The following SLC5A5 variants were observed in gnomAD, a reference collection of about 807,000 sequenced individuals.
SLC5A5 encodes the protein solute carrier family 5 member 5, also known as sodium/iodide cotransporter.
SLC5A5 carries 56 observed loss-of-function variants against 68.6 expected under a neutral mutation model. That is an observed-to-expected ratio of 0.82 (90% CI 0.66 to 1.02). The LOEUF is 1.02. SLC5A5 is among the 50% of genes least tolerant of loss of function. The probability of loss-of-function intolerance (pLI) is 0.00; values close to 1 mark genes in which losing one functional copy is unlikely to be tolerated. For synonymous variants in SLC5A5, 398 were observed against 373.0 expected (o/e 1.07, Z -0.77); for missense variants, 807 against 859.8 (o/e 0.94, Z 0.77).
chr19:17,892,223 G>C (rs550569971), intron 14 of SLC5A5, among the ~76,000 whole-genome samples: 1 of 152,124 alleles, frequency 6.6e-6, no homozygotes, highest in African/African-American at 2.4e-5. Flanking sequence ...AATTGAACCC[G>C]GGAGGTAGAG....
chr19:17,880,889 A>G lies in SLC5A5; in HGVS notation c.994A>G (p.Ile332Val). Reference protein sequence around the residue: ...DQYMPLLVLDIFEDLPGVPGL... With the variant: ...DQYMPLLVLDVFEDLPGVPGL... The stretch of plus-strand genomic sequence containing the variant: ...GTACATGCCTCTGCTGGTGCTGGAC[A>G]TCTTCGAAGATCTGCCTGGAGTCCC... The change falls in exon 8 of 15, where the codon ATC becomes GTC. Residue 332 changes from isoleucine to valine, a missense_variant. Coordinates refer to ENST00000222248, the MANE Select transcript of SLC5A5 (RefSeq NM_000453.3). The G allele has an allele frequency of 1.2e-6, 2 of 1,613,896 alleles. No homozygotes were observed. The highest frequency in any genetic ancestry group is 1.7e-6 in the Non-Finnish European group (2 of 1,179,988).
At chr19:17,891,046 C>T in intron 14 of SLC5A5, 45 bp downstream of exon 14, 18 of 1,227,370 alleles carry the variant, frequency 1.5e-5, no homozygotes, top group Non-Finnish European at 2.2e-5. Flanking sequence ...AGCCAAGTGA[C>T]TTTAGGACGT....
chr19:17,889,783 T>TG (rs2030093613), intron 13 of SLC5A5, among the ~76,000 whole-genome samples: 2 of 152,210 alleles, frequency 1.3e-5, no homozygotes, highest in Non-Finnish European at 2.9e-5. Context: ...GGATATGGGT[T>TG]GGGGCGGGCG....
rs1599939347 is a variant in SLC5A5, at chr19:17,893,940, C to G, written c.*63C>G. ...AACCTCAGGATGGGCCAAACCCAGA[C>G]AACGGGCCCATGGCCTTGGGCTCTG... On this transcript the variant is annotated 3_prime_UTR_variant, in exon 15 of 15. Transcript: ENST00000222248. The G allele has an allele frequency of 1.4e-6, 2 of 1,467,996 alleles. No individual in the cohort carries two copies. The highest frequency in any genetic ancestry group is 4.9e-5 in the East Asian group (2 of 40,522). The allele number at this position is 1,467,996 out of a possible 1,614,324, so 90.9% of individuals were successfully genotyped here. A position where few individuals can be genotyped will look rare whatever the true frequency, so the allele number is the denominator to read the frequency against.
At chr19:17,875,158 T>C (rs149119945) in intron 4 of SLC5A5, among the ~76,000 whole-genome samples, 27,053 of 151,530 alleles carry the variant, frequency 0.18, 3,110 homozygotes, top group Non-Finnish European at 0.25. Flanking sequence ...TCACCTAAGG[T>C]CAGGAGTTCG....
chr19:17,879,636 G>A (rs1416461424), intron 7 of SLC5A5, among the ~76,000 whole-genome samples: 1 of 152,194 alleles, frequency 6.6e-6, no homozygotes, highest in African/African-American at 2.4e-5. Context: ...GGGGTTCAGA[G>A]TTAGCAGAGG....
In SLC5A5 at chr19:17,872,246, T is replaced by A; in HGVS notation, c.-74T>A. On this transcript the variant is annotated 5_prime_UTR_variant, in exon 1 of 15. Transcript: ENST00000222248. ...CACCCGCCCTCCCCGTCCTGCCTCC[T>A]CGGCCCCTGCCAGCTTCCCCCGCTT... The A allele has an allele frequency of 2.4e-5, 11 of 451,824 alleles. No individual in the cohort carries two copies. Among genetic ancestry groups the A allele is most frequent in the East Asian group, 7.9e-5 (1 of 12,604 alleles). The allele number at this position is 451,824 out of a possible 1,614,324, so 28.0% of individuals were successfully genotyped here. A position where few individuals can be genotyped will look rare whatever the true frequency, so the allele number is the denominator to read the frequency against.
intron 5 of SLC5A5, among the ~76,000 whole-genome samples, chr19:17,876,677 C>T (rs774326963): frequency 1.5e-4 from 23 of 152,250 alleles, no homozygotes; most frequent in African/African-American, 5.5e-4. Context: ...TCCTGGCCAA[C>T]TTGATGAAAG....
In SLC5A5 at chr19:17,872,328, C is replaced by G. The variant is rs1207172434; in HGVS notation, c.9C>G (p.Ala3=). ...CCTCCGCACCCGCCCTCATGGAGGC[C>G]GTGGAGACCGGGGAACGGCCCACCT... The part of the protein sequence containing the change: ME[A]VETGERPTFG... The change falls in exon 1 of 15, where the codon GCC becomes GCG. Residue 3 remains alanine (A), a synonymous_variant. Transcript: ENST00000222248. 1.3e-6 allele frequency: 2 copies of G among 1,579,858 alleles called. No individual in the cohort carries two copies. Among genetic ancestry groups the G allele is most frequent in the Non-Finnish European group, 1.7e-6 (2 of 1,164,430 alleles).
At position 17,877,875 on chromosome 19, in the gene SLC5A5, G is replaced by C. The variant is rs773070939; in HGVS notation, c.839+12G>C. On this transcript the variant is annotated intron_variant, in intron 6 of 14. Transcript: ENST00000222248. ...AAGCAGGCCAAGCTGTGAGTGTTTC[G>C]GGGAGCAAGGTCGGGGTTTCTGGGA... 3.7e-6 allele frequency: 6 copies of C among 1,613,974 alleles called. No homozygotes were observed. The highest frequency in any genetic ancestry group is 1.1e-5 in the South Asian group (1 of 91,088).
chr19:17,877,935 C>A lies in SLC5A5; in HGVS notation c.840-29C>A, dbSNP rs370005454. Reference sequence around the variant, plus strand: ...CCCCTCCACCAGCCTGAGGCTATCCCCTAAGCCTGAGGCTGCCTCTTCCCC... The same window carrying A: ...CCCCTCCACCAGCCTGAGGCTATCCACTAAGCCTGAGGCTGCCTCTTCCCC... On this transcript the variant is annotated intron_variant, in intron 6 of 14. Coordinates refer to ENST00000222248, the MANE Select transcript of SLC5A5 (RefSeq NM_000453.3). The A allele has an allele frequency of 2.4e-4, 395 of 1,613,788 alleles. 1 individual carries two copies. The highest frequency in any genetic ancestry group is 3.2e-4 in the Non-Finnish European group (378 of 1,180,020).
At chr19:17,873,058 C>G (rs1355923703) in intron 1 of SLC5A5, among the ~76,000 whole-genome samples, 1 of 152,224 alleles carries the variant, frequency 6.6e-6, no homozygotes, top group Non-Finnish European at 1.5e-5. Flanking sequence ...CCTGGCTTCA[C>G]TGCTTTCTTG....
At chr19:17,874,369 T>C (rs2094301659) in intron 2 of SLC5A5, 125 bp from the exon 3 acceptor site, 6 of 812,312 alleles carry the variant, frequency 7.4e-6, no homozygotes, top group South Asian at 5.2e-5. Context: ...TGACCCCGCC[T>C]GCACTCTGGA....
Position 17,883,957 on chromosome 19 carries a change from G to A in SLC5A5, c.1437G>A (p.Ser479=). The change falls in exon 12 of 15, where the codon TCG becomes TCA. Residue 479 remains serine (S), a synonymous_variant. Coordinates refer to ENST00000222248, the MANE Select transcript of SLC5A5 (RefSeq NM_000453.3). ...SEQTMRVLPS[S]AARCVALSVN... ...AGACCATGAGGGTCCTGCCATCGTCGGCTGCCCGCTGCGTGGCTCTCTCAG... is the reference window on the plus strand; with the variant it reads ...AGACCATGAGGGTCCTGCCATCGTCAGCTGCCCGCTGCGTGGCTCTCTCAG... 1.9e-6 allele frequency: 3 copies of A among 1,564,092 alleles called. No individual in the cohort carries two copies. The highest frequency in any genetic ancestry group is 2.6e-6 in the Non-Finnish European group (3 of 1,155,784).
In SLC5A5 at chr19:17,884,137, C is replaced by T. The variant is rs894596027; in HGVS notation, c.1526+91C>T. The T allele has an allele frequency of 3.4e-6, 4 of 1,167,786 alleles. No individual in the cohort carries two copies. The African/African-American group carries it at 4.6e-5, about 13-fold the overall frequency. 72.3% of individuals were successfully genotyped at this position (1,167,786 alleles called of 1,614,324 possible). Reference sequence around the variant, plus strand: ...CTTGCCCTGCACTCTGTGTAAGAAGCCTGATTAGTAAAATGCATTCCTGGG... The same window carrying T: ...CTTGCCCTGCACTCTGTGTAAGAAGTCTGATTAGTAAAATGCATTCCTGGG... On this transcript the variant is annotated intron_variant, in intron 12 of 14. Coordinates refer to ENST00000222248, the MANE Select transcript of SLC5A5 (RefSeq NM_000453.3).
At chr19:17,874,847 A>G in intron 4 of SLC5A5, 116 bp downstream of exon 4, 2 of 933,782 alleles carry the variant, frequency 2.1e-6, no homozygotes, top group South Asian at 2.7e-5. Flanking sequence ...GCTGGGACCC[A>G]GTGTCCTCAT....
In SLC5A5 at chr19:17,889,206, G is replaced by A. The variant is rs532728326; in HGVS notation, c.1651+751G>A. On this transcript the variant is annotated intron_variant, in intron 13 of 14. Transcript: ENST00000222248. Reference sequence around the variant, plus strand: ...GAGGTCAGGAGTTCAAGACCAGCCCGGCCAACATGGTGAAACCCCGTCTCT... The same window carrying A: ...GAGGTCAGGAGTTCAAGACCAGCCCAGCCAACATGGTGAAACCCCGTCTCT... Among the ~76,000 whole-genome samples the A allele has an allele frequency of 6.3e-3, 953 of 151,874 alleles. 9 individuals carry two copies. The highest frequency in any genetic ancestry group is 0.022 in the African/African-American group (906 of 41,462).
Position 17,872,187 on chromosome 19 carries a change from A to G in SLC5A5, c.-133A>G, listed in dbSNP as rs2147725074. 1.5e-6 allele frequency: 1 copy of G among 674,114 alleles called. No individual in the cohort carries two copies. Among genetic ancestry groups the G allele is most frequent in the South Asian group, 1.8e-5 (1 of 54,174 alleles). The allele number at this position is 674,114 out of a possible 1,614,324, so 41.8% of individuals were successfully genotyped here. On this transcript the variant is annotated 5_prime_UTR_variant, in exon 1 of 15. Transcript: ENST00000222248. ...GGCCCCTCTCGCCGCTTCCCACCCC[A>G]GACGGAGCGGGGACAGGCTGCCGAG... is the stretch of plus-strand genomic sequence containing the variant.
rs533906606 is a variant in SLC5A5 at position 17,875,348 on chromosome 19, C to T, written c.544-604C>T. 1.4e-3 allele frequency among the ~76,000 whole-genome samples: 219 copies of T among 151,666 alleles called. 1 individual carries two copies. Among genetic ancestry groups the T allele is most frequent in the Non-Finnish European group, 2.2e-3 (152 of 67,922 alleles). Reference sequence around the variant, plus strand: ...TTGCGCCATTGCACTCCAGCCTGGGCGACAGAGCAAGACTCCATCTCAAAA... The same window carrying T: ...TTGCGCCATTGCACTCCAGCCTGGGTGACAGAGCAAGACTCCATCTCAAAA... On this transcript the variant is annotated intron_variant, in intron 4 of 14. Coordinates refer to ENST00000222248, the MANE Select transcript of SLC5A5 (RefSeq NM_000453.3).
Sources: gnomAD v4.1 joint callset for allele counts (sites outside exome capture counted in the v4.1 genomes callset) on GRCh38, gnomAD v4.1.1 for gene constraint, MANE v1.5 for transcripts, NCBI Gene and HGNC (gene_info 2026-07-23, HGNC 2026-07-21) for gene names.